RBP3: variants seen among roughly 807,000 people sequenced by gnomAD.
RBP3 encodes the protein retinol-binding protein 3.
In RBP3, 50 loss-of-function variants were observed where a neutral mutation model predicts 64.8. The ratio of observed to expected loss-of-function variants is 0.77; its 90% CI spans 0.61 to 0.98. The LOEUF is 0.98. Among genes scored for constraint, RBP3 ranks in the 50% least tolerant of loss-of-function variants. RBP3 has a pLI of 0.00. For synonymous variants in RBP3, 828 were observed against 730.2 expected (o/e 1.13, Z -2.16); for missense variants, 1,712 against 1,660.5 (o/e 1.03, Z -0.54).
Position 47,357,710 on chromosome 10 carries a change from C to T in RBP3, c.*253C>T. 2 of 377,556 alleles carry T rather than the reference C, an allele frequency of 5.3e-6. No individual in the cohort carries two copies. The highest frequency in any genetic ancestry group is 9.4e-6 in the Non-Finnish European group (2 of 211,700). 23.4% of individuals were successfully genotyped at this position (377,556 alleles called of 1,614,324 possible). On this transcript the variant is annotated 3_prime_UTR_variant, in exon 4 of 4. Transcript: ENST00000584701. ...ACCTAAATTTTAACAAAGGTTCCTT[C>T]TAAGTGGTAGAACTTGGGGTGGTAT...
rs371660638 is a variant in RBP3 at position 47,357,166 on chromosome 10, G to A, written c.3453G>A (p.Ala1151=). The change falls in exon 4 of 4, where the codon GCG becomes GCA. Residue 1151 remains alanine (A), a synonymous_variant. Coordinates refer to ENST00000584701, the MANE Select transcript of RBP3 (RefSeq NM_002900.3). ...ILTSSVTAGT[A]EEFTYIMKRL... ...CCAGCAGTGTGACGGCCGGCACCGC[G>A]GAGGAGTTCACCTATATCATGAAGA... The A allele has an allele frequency of 6.6e-5, 107 of 1,613,546 alleles. No individual in the cohort carries two copies. The highest frequency in any genetic ancestry group is 8.3e-5 in the Admixed American group (5 of 60,000).
chr10:47,353,195 G>C, intron 1 of RBP3, 130 bp from the exon 2 acceptor site: 1 of 823,264 alleles, frequency 1.2e-6, no homozygotes, highest in Middle Eastern at 3.1e-4. Context: ...AAAGTCCCTG[G>C]TGTCTACTAA....
Position 47,348,929 on chromosome 10 carries a change from G to A in RBP3, c.445G>A (p.Glu149Lys), listed in dbSNP as rs782463303. 6 of 1,613,864 alleles carry A rather than the reference G, an allele frequency of 3.7e-6. No homozygotes were observed. The South Asian group carries it at 6.6e-5, about 18-fold the overall frequency. The part of the protein sequence containing the change: ...PGQEVLSMMG[E>K]FLVAHVWGNL... Reference sequence around the variant, plus strand: ...CCAGGAGGTGCTGAGCATGATGGGGGAGTTCCTGGTGGCCCACGTGTGGGG... The same window carrying A: ...CCAGGAGGTGCTGAGCATGATGGGGAAGTTCCTGGTGGCCCACGTGTGGGG... Residue 149 changes from glutamate (E) to lysine (K), a missense_variant, in exon 1 of 4, where the codon GAG (glutamate) becomes AAG (lysine). Glu to Lys is a moderately conservative substitution (Grantham distance 56, BLOSUM62 1). Coordinates refer to ENST00000584701, the MANE Select transcript of RBP3 (RefSeq NM_002900.3).
At chr10:47,355,821 G>T (rs1252225069) in intron 3 of RBP3, among the ~76,000 whole-genome samples, 2 of 152,124 alleles carry the variant, frequency 1.3e-5, no homozygotes, top group African/African-American at 4.8e-5. Flanking sequence ...CCCAGGCTTA[G>T]CACCATAATC....
In RBP3 at chr10:47,349,441, C is replaced by T; in HGVS notation, c.957C>T (p.Ile319=). The T allele has an allele frequency of 6.2e-7, 1 of 1,612,432 alleles. No homozygotes were observed. Among genetic ancestry groups the T allele is most frequent in the Admixed American group, 1.7e-5 (1 of 60,028 alleles). ...AGGCCCTGGAGAAAGCCCTGGCCAT[C>T]CTCACTCTGCGCAGCGCCCTTCCAG... The part of the protein sequence containing the change: ...AEQALEKALA[I]LTLRSALPGV... The change falls in exon 1 of 4, where the codon ATC becomes ATT. Residue 319 remains isoleucine (I), a synonymous_variant. Transcript: ENST00000584701.
At position 47,348,454 on chromosome 10, in the gene RBP3, G is replaced by A; in HGVS notation, c.-31G>A. 1 of 1,597,232 alleles carries A rather than the reference G, an allele frequency of 6.3e-7. No homozygotes were observed. The highest frequency in any genetic ancestry group is 8.5e-7 in the Non-Finnish European group (1 of 1,179,178). On this transcript the variant is annotated 5_prime_UTR_variant, in exon 1 of 4. In the 5' UTR this introduces an upstream ATG that the reference lacks. Transcript: ENST00000584701. ...CTTGCACACAGTCCAGGGAGCTTTTGTGCAGGAGCCAGGCCTCCCCCTGGG... is the reference window on the plus strand; with the variant it reads ...CTTGCACACAGTCCAGGGAGCTTTTATGCAGGAGCCAGGCCTCCCCCTGGG...
Position 47,350,147 on chromosome 10 carries a change from C to T in RBP3, c.1663C>T (p.Leu555Phe). The T allele has an allele frequency of 6.2e-7, 1 of 1,612,840 alleles. No homozygotes were observed. The change falls in exon 1 of 4, where the codon CTT becomes TTT. Residue 555 changes from leucine to phenylalanine, a missense_variant. Coordinates refer to ENST00000584701, the MANE Select transcript of RBP3 (RefSeq NM_002900.3). ...CACGGCCGCGGAGGAGTTCGCCTTCCTTATGCAGTCGCTGGGCTGGGCCAC... is the reference window on the plus strand; with the variant it reads ...CACGGCCGCGGAGGAGTTCGCCTTCTTTATGCAGTCGCTGGGCTGGGCCAC... ...TATAAEEFAF[L>F]MQSLGWATLV...
chr10:47,353,952 C>G (rs190512455), intron 2 of RBP3, among the ~76,000 whole-genome samples: 1 of 152,300 alleles, frequency 6.6e-6, no homozygotes, highest in Admixed American at 6.5e-5. Flanking sequence ...GACAGCCAGG[C>G]CCCCCACCTG....
rs1555211177 is a variant in RBP3 at position 47,349,714 on chromosome 10, G to C, written c.1230G>C (p.Gly410=). ...APDAAAEDSP[G]VAPELPEDEA... is the part of the protein sequence containing the mutation. ...ACGCTGCAGCCGAAGACTCACCAGG[G>C]GTGGCCCCAGAGTTGCCTGAGGACG... The change falls in exon 1 of 4, where the codon GGG becomes GGC. Residue 410 remains glycine, a synonymous_variant. Coordinates refer to ENST00000584701, the MANE Select transcript of RBP3 (RefSeq NM_002900.3). The C allele has an allele frequency of 1.2e-6, 2 of 1,612,060 alleles. No individual in the cohort carries two copies. The highest frequency in any genetic ancestry group is 1.7e-6 in the Non-Finnish European group (2 of 1,180,010).
In RBP3 at chr10:47,348,893, A is replaced by G; in HGVS notation, c.409A>G (p.Ser137Gly). Reference sequence around the variant, plus strand: ...TAATGTGGGCTACCTGCGGGTGGACAGCGTCCCGGGCCAGGAGGTGCTGAG... The same window carrying G: ...TAATGTGGGCTACCTGCGGGTGGACGGCGTCCCGGGCCAGGAGGTGCTGAG... ...EGNVGYLRVD[S>G]VPGQEVLSMM... is the part of the protein sequence containing the mutation. The change falls in exon 1 of 4, where the codon AGC (serine) becomes GGC (glycine). Residue 137 changes from serine (S) to glycine (G), a missense_variant. Transcript: ENST00000584701. 1 of 1,613,854 alleles carries G rather than the reference A, an allele frequency of 6.2e-7. No homozygotes were observed. Among genetic ancestry groups the G allele is most frequent in the Non-Finnish European group, 8.5e-7 (1 of 1,180,024 alleles).
chr10:47,353,956 C>T (rs1319876034), intron 2 of RBP3, among the ~76,000 whole-genome samples: 2 of 152,198 alleles, frequency 1.3e-5, no homozygotes, highest in African/African-American at 4.8e-5. Flanking sequence ...GCCAGGCCCC[C>T]CACCTGGGAG....
rs142862418 is a variant in RBP3, at chr10:47,351,109, C to T, written c.2625C>T (p.Gly875=). 5.6e-5 allele frequency: 90 copies of T among 1,612,764 alleles called. No individual in the cohort carries two copies. The highest frequency in any genetic ancestry group is 1.2e-4 in the South Asian group (11 of 91,080). The part of the protein sequence containing the change: ...ATVIGEPTAG[G]ALSVGIYQVG... ...TCATTGGGGAGCCCACGGCCGGAGG[C>T]GCACTCTCTGTGGGCATCTACCAGG... The change falls in exon 1 of 4, where the codon GGC becomes GGT. Residue 875 remains glycine, a synonymous_variant. Transcript: ENST00000584701.
Position 47,348,955 on chromosome 10 carries a change from G to A in RBP3, c.471G>A (p.Gly157=). ...AGTTCCTGGTGGCCCACGTGTGGGGGAATCTCATGGGCACCTCCGCCTTAG... is the reference window on the plus strand; with the variant it reads ...AGTTCCTGGTGGCCCACGTGTGGGGAAATCTCATGGGCACCTCCGCCTTAG... ...MGEFLVAHVW[G]NLMGTSALVL... Residue 157 remains glycine, a synonymous_variant, in exon 1 of 4, where the codon GGG becomes GGA. Transcript: ENST00000584701. The A allele has an allele frequency of 6.2e-7, 1 of 1,613,914 alleles. No homozygotes were observed. The highest frequency in any genetic ancestry group is 8.5e-7 in the Non-Finnish European group (1 of 1,180,028).
In RBP3 at chr10:47,349,865, C is replaced by G. The variant is rs782022815; in HGVS notation, c.1381C>G (p.Leu461Val). ...SVLGVLAPYV[L>V]RQVWEPLQDT... ...CCTGGGTGTGTTGGCCCCATATGTC[C>G]TGCGCCAGGTGTGGGAGCCGCTACA... Residue 461 changes from leucine to valine, a missense_variant, in exon 1 of 4, where the codon CTG becomes GTG. Transcript: ENST00000584701. The G allele has an allele frequency of 1.9e-6, 3 of 1,613,050 alleles. No homozygotes were observed. Among genetic ancestry groups the G allele is most frequent in the East Asian group, 4.5e-5 (2 of 44,884 alleles).
In RBP3 at chr10:47,355,572, C is replaced by T. The variant is rs544552714; in HGVS notation, c.3388+54C>T. 1.3e-5 allele frequency: 21 copies of T among 1,612,418 alleles called. No homozygotes were observed. The East Asian group carries it at 3.1e-4, about 24-fold the overall frequency. The stretch of plus-strand genomic sequence containing the variant: ...TGTCATTCTAGAAGCTTCTGGGAAA[C>T]CAGGGAAAGACAGCTTGGGTGTAGG... On this transcript the variant is annotated intron_variant, in intron 3 of 3. Transcript: ENST00000584701.
chr10:47,351,860 T>A (rs1555211633), intron 1 of RBP3, among the ~76,000 whole-genome samples: 1 of 152,184 alleles, frequency 6.6e-6, no homozygotes, highest in East Asian at 1.9e-4. Flanking sequence ...GGAAGCCAGT[T>A]CGGAAGCTCC....
At position 47,351,177 on chromosome 10, in the gene RBP3, C is replaced by T. The variant is rs1555211529; in HGVS notation, c.2693C>T (p.Ala898Val). ...PLYASMPTQM[A>V]MSATTGKAWD... Reference sequence around the variant, plus strand: ...TATGCATCCATGCCCACCCAGATGGCCATGAGTGCCACCACAGGCAAGGCC... The same window carrying T: ...TATGCATCCATGCCCACCCAGATGGTCATGAGTGCCACCACAGGCAAGGCC... The change falls in exon 1 of 4, where the codon GCC becomes GTC. Residue 898 changes from alanine to valine, a missense_variant. Coordinates refer to ENST00000584701, the MANE Select transcript of RBP3 (RefSeq NM_002900.3). 6.2e-7 allele frequency: 1 copy of T among 1,613,024 alleles called. No individual in the cohort carries two copies. The highest frequency in any genetic ancestry group is 8.5e-7 in the Non-Finnish European group (1 of 1,180,034).
Position 47,350,121 on chromosome 10 carries a change from C to A in RBP3, c.1637C>A (p.Ala546Asp), listed in dbSNP as rs1439273931. The A allele has an allele frequency of 6.2e-7, 1 of 1,612,942 alleles. No individual in the cohort carries two copies. The highest frequency in any genetic ancestry group is 1.3e-5 in the African/African-American group (1 of 74,946). ...GVYLLTSHRTATAAEEFAFLM... is the reference protein window; with the variant it reads ...GVYLLTSHRTDTAAEEFAFLM... ...TATCTGCTCACCAGCCACCGCACCG[C>A]CACGGCCGCGGAGGAGTTCGCCTTC... Residue 546 changes from alanine (A) to aspartate (D), a missense_variant, in exon 1 of 4, where the codon GCC (alanine) becomes GAC (aspartate). Ala to Asp is a moderately radical substitution (Grantham distance 126, BLOSUM62 -2). Coordinates refer to ENST00000584701, the MANE Select transcript of RBP3 (RefSeq NM_002900.3).
In RBP3 at chr10:47,350,216, A is replaced by G. The variant is rs1169208510; in HGVS notation, c.1732A>G (p.Thr578Ala). Residue 578 changes from threonine to alanine, a missense_variant, in exon 1 of 4, where the codon ACG becomes GCG. Physicochemically the swap from Thr to Ala is moderately conservative, Grantham distance 58. Coordinates refer to ENST00000584701, the MANE Select transcript of RBP3 (RefSeq NM_002900.3). ...ITAGNLLHTR[T>A]VPLLDTPEGS... Reference sequence around the variant, plus strand: ...CGCGGGCAACCTGCTGCACACCCGCACGGTGCCGCTGCTGGACACACCCGA... The same window carrying G: ...CGCGGGCAACCTGCTGCACACCCGCGCGGTGCCGCTGCTGGACACACCCGA... 1.2e-6 allele frequency: 2 copies of G among 1,609,144 alleles called. No individual in the cohort carries two copies. Among genetic ancestry groups the G allele is most frequent in the Non-Finnish European group, 1.7e-6 (2 of 1,179,924 alleles).
Sources: allele counts gnomAD v4.1 joint callset (sites outside exome capture counted in the v4.1 genomes callset), GRCh38; gene constraint gnomAD v4.1.1; transcripts MANE v1.5; gene names NCBI Gene and HGNC (gene_info 2026-07-23, HGNC 2026-07-21).